ZNF181: variants seen among roughly 807,000 people sequenced by gnomAD.
ZNF181 encodes zinc finger protein 181, also known as zinc finger protein 181 (HHZ181).
ZNF181 carries 8 observed loss-of-function variants against 11.9 expected under a neutral mutation model. That is an observed-to-expected ratio of 0.67 (90% CI 0.39 to 1.21). ZNF181 has a LOEUF of 1.21. ZNF181 is among the 50% of genes most tolerant of loss of function. The pLI, the probability that ZNF181 is intolerant of heterozygous loss-of-function variation, is 0.01. For missense variants in ZNF181, 542 were observed against 670.9 expected (o/e 0.81, Z 2.12); for synonymous variants, 202 against 221.1 (o/e 0.91, Z 0.77).
In ZNF181 at chr19:34,741,571, G is replaced by T. The variant is rs1329614503; in HGVS notation, c.1190G>T (p.Arg397Ile). Reference protein sequence around the residue: ...CCSSHLTRHQRIHTMEKQYEC... With the variant: ...CCSSHLTRHQIIHTMEKQYEC... ...AGCTCACACCTTACTCGACATCAAA[G>T]AATTCACACTATGGAGAAACAATAT... The change falls in exon 4 of 4, where the codon AGA becomes ATA. Residue 397 changes from arginine to isoleucine, a missense_variant. Coordinates refer to ENST00000492450, the MANE Select transcript of ZNF181 (RefSeq NM_001029997.4). 3.7e-6 allele frequency: 6 copies of T among 1,613,876 alleles called. No homozygotes were observed. The African/African-American group carries it at 4.0e-5, about 11-fold the overall frequency.
intron 3 of ZNF181, among the ~76,000 whole-genome samples, 160 bp from the exon 4 acceptor site, chr19:34,740,451 G>A (rs1315578691): frequency 6.6e-6 from 1 of 151,826 alleles, no homozygotes; most frequent in Non-Finnish European, 1.5e-5. Flanking sequence ...TGCTCCATTT[G>A]AGCACTGTTC....
chr19:34,734,833 C>A lies in ZNF181; in HGVS notation c.-205C>A, dbSNP rs1281165233. 2 of 567,000 alleles carry A rather than the reference C, an allele frequency of 3.5e-6. No homozygotes were observed. Among genetic ancestry groups the A allele is most frequent in the African/African-American group, 1.9e-5 (1 of 53,108 alleles). The allele number at this position is 567,000 out of a possible 1,614,324, so 35.1% of individuals were successfully genotyped here. A position where few individuals can be genotyped will look rare whatever the true frequency, so the allele number is the denominator to read the frequency against. On this transcript the variant is annotated 5_prime_UTR_variant, in exon 1 of 4. Transcript: ENST00000492450. The stretch of plus-strand genomic sequence containing the variant: ...AATGGTTAGCCCTTGCGGAGAAACA[C>A]CCTGTTAGTTCCCAGGGAGAGATTG...
rs1384303640 is a variant in ZNF181 at position 34,739,582 on chromosome 19, T to A, written c.190T>A (p.Trp64Arg). The A allele has an allele frequency of 6.2e-7, 1 of 1,614,096 alleles. No individual in the cohort carries two copies. The highest frequency in any genetic ancestry group is 1.3e-5 in the African/African-American group (1 of 75,028). The change falls in exon 3 of 4, where the codon TGG becomes AGG. Residue 64 changes from tryptophan (W) to arginine (R), a missense_variant. By Grantham distance (101) the Trp-to-Arg change is moderately radical (BLOSUM62 -3). Coordinates refer to ENST00000492450, the MANE Select transcript of ZNF181 (RefSeq NM_001029997.4). ...GTTATTGGAGGATGGAAAAGAGCCC[T>A]GGATGATGGAGAAAAAACTGTCAAA... ...ITLLEDGKEP[W>R]MMEKKLSKGM... is the part of the protein sequence containing the mutation.
Position 34,743,735 on chromosome 19 carries a change from G to T in ZNF181, c.*1638G>T, listed in dbSNP as rs538432609. On this transcript the variant is annotated 3_prime_UTR_variant, in exon 4 of 4. Coordinates refer to ENST00000492450, the MANE Select transcript of ZNF181 (RefSeq NM_001029997.4). ...AGTTTACCTTGAAATCACTAGCCCAGAAGTGTTCTCATTACTTTTACAGCC... is the reference window on the plus strand; with the variant it reads ...AGTTTACCTTGAAATCACTAGCCCATAAGTGTTCTCATTACTTTTACAGCC... 2 of 152,330 alleles carry T rather than the reference G, an allele frequency of 1.3e-5. No homozygotes were observed. The highest frequency in any genetic ancestry group is 1.3e-4 in the Admixed American group (2 of 15,304). The allele number at this position is 152,330 out of a possible 1,614,324, so 9.4% of individuals were successfully genotyped here.
At position 34,741,350 on chromosome 19, in the gene ZNF181, T is replaced by A. The variant is rs771963279; in HGVS notation, c.969T>A (p.Cys323Ter). 1 of 1,613,902 alleles carries A rather than the reference T, an allele frequency of 6.2e-7. No homozygotes were observed. The highest frequency in any genetic ancestry group is 1.1e-5 in the South Asian group (1 of 91,070). The change falls in exon 4 of 4, where the codon TGT (cysteine) becomes TGA (stop). Residue 323 changes from cysteine to a stop codon, truncating the protein, a stop_gained. Coordinates refer to ENST00000492450, the MANE Select transcript of ZNF181 (RefSeq NM_001029997.4). LOFTEE classifies it low-confidence loss of function (END_TRUNC). ...ACACTGGAGAGAAACCATATGAATG[T>A]ATGAACTGTGGAAAGTCTTTTAGTC... Reference protein sequence around the residue: ...STHTGEKPYECMNCGKSFSRV... With the variant: ...STHTGEKPYE
intron 1 of ZNF181, among the ~76,000 whole-genome samples, chr19:34,737,928 A>G (rs1402992097): frequency 1.3e-5 from 2 of 152,144 alleles, no homozygotes; most frequent in African/African-American, 4.8e-5. Flanking sequence ...CCTGCCACTC[A>G]TCTCCTGCTC....
chr19:34,741,712 A>G lies in ZNF181; in HGVS notation c.1331A>G (p.Gln444Arg). The change falls in exon 4 of 4, where the codon CAG becomes CGG. Residue 444 changes from glutamine to arginine, a missense_variant. Coordinates refer to ENST00000492450, the MANE Select transcript of ZNF181 (RefSeq NM_001029997.4). ...ECQKCRKSFN[Q>R]LESLNMHLRN... Reference sequence around the variant, plus strand: ...CAGAAATGCAGGAAATCCTTCAACCAGCTTGAATCACTGAATATGCATTTG... The same window carrying G: ...CAGAAATGCAGGAAATCCTTCAACCGGCTTGAATCACTGAATATGCATTTG... 6.2e-7 allele frequency: 1 copy of G among 1,613,954 alleles called. No homozygotes were observed. The highest frequency in any genetic ancestry group is 2.2e-5 in the East Asian group (1 of 44,872).
chr19:34,740,991 A>C lies in ZNF181; in HGVS notation c.610A>C (p.Asn204His). ...KKSVIKNEKV[N>H]GGKKLLNSNK... ...GTCAGTTATAAAAAATGAGAAAGTCAATGGTGGAAAGAAACTTTTGAATTC... is the reference window on the plus strand; with the variant it reads ...GTCAGTTATAAAAAATGAGAAAGTCCATGGTGGAAAGAAACTTTTGAATTC... The change falls in exon 4 of 4, where the codon AAT (asparagine) becomes CAT (histidine). Residue 204 changes from asparagine (N) to histidine (H), a missense_variant. Transcript: ENST00000492450. 6.2e-7 allele frequency: 1 copy of C among 1,614,168 alleles called. No individual in the cohort carries two copies. The highest frequency in any genetic ancestry group is 8.5e-7 in the Non-Finnish European group (1 of 1,180,002).
chr19:34,744,272 A>G lies in ZNF181; in HGVS notation c.*2175A>G, dbSNP rs1030316085. On this transcript the variant is annotated 3_prime_UTR_variant, in exon 4 of 4. Coordinates refer to ENST00000492450, the MANE Select transcript of ZNF181 (RefSeq NM_001029997.4). Reference sequence around the variant, plus strand: ...TGGAATGGGGTGGTAAACTTTTACTATTTTGCAGGGATTTTATCTTTCATT... The same window carrying G: ...TGGAATGGGGTGGTAAACTTTTACTGTTTTGCAGGGATTTTATCTTTCATT... The G allele has an allele frequency of 2.6e-5, 4 of 152,090 alleles. No individual in the cohort carries two copies. The highest frequency in any genetic ancestry group is 9.7e-5 in the African/African-American group (4 of 41,422). The allele number at this position is 152,090 out of a possible 1,614,324, so 9.4% of individuals were successfully genotyped here.
chr19:34,740,567 TAAAA>T, intron 3 of ZNF181, 40 bp from the exon 4 acceptor site: 2 of 1,415,706 alleles, frequency 1.4e-6, no homozygotes, highest in Non-Finnish European at 1.9e-6. Context: ...TTCAAATAGT[TAAAA>T]AAAAACAAAA....
rs113928349 is a variant in ZNF181, at chr19:34,739,399, G to T, written c.131-124G>T. ...CCAAGGAAATGTGCAGCTCTGTTGT[G>T]CCCTGCCTGAAGCTTATCTTTCCAT... is the stretch of plus-strand genomic sequence containing the variant. On this transcript the variant is annotated intron_variant, in intron 2 of 3. Transcript: ENST00000492450. The T allele has an allele frequency of 6.3e-4, 989 of 1,566,634 alleles. 10 individuals carry two copies. The African/African-American group carries it at 0.012, about 19-fold the overall frequency.
chr19:34,741,807 C>T lies in ZNF181; in HGVS notation c.1426C>T (p.Leu476=). 6.2e-7 allele frequency: 1 copy of T among 1,613,994 alleles called. No individual in the cohort carries two copies. The highest frequency in any genetic ancestry group is 1.7e-5 in the Admixed American group (1 of 59,974). Residue 476 remains leucine, a synonymous_variant, in exon 4 of 4, where the codon CTG becomes TTG. Coordinates refer to ENST00000492450, the MANE Select transcript of ZNF181 (RefSeq NM_001029997.4). ...GAAAGCCTTTAGTCATAGGTCATCC[C>T]TGCTTCAACATCACAGAATTCATAC... ...CGKAFSHRSS[L]LQHHRIHTGE...
At position 34,735,697 on chromosome 19, in the gene ZNF181, A is replaced by G. The variant is rs193216204; in HGVS notation, c.9+651A>G. Among the ~76,000 whole-genome samples the G allele has an allele frequency of 5.9e-5, 9 of 152,268 alleles. No individual in the cohort carries two copies. In the East Asian group the frequency reaches 1.3e-3, roughly 23 times the overall value. ...AACTGAGTCACTTCTGCAATGACCT[A>G]TTTGTACAATTAGGCCATTACCTTT... On this transcript the variant is annotated intron_variant, in intron 1 of 3. Transcript: ENST00000492450.
At chr19:34,739,057 A>G (rs2068928325) in intron 1 of ZNF181, 91 bp from the exon 2 acceptor site, 3 of 1,574,314 alleles carry the variant, frequency 1.9e-6, no homozygotes, top group Admixed American at 3.9e-5. Flanking sequence ...ATCTTGTTCC[A>G]TTTCTCCCAC....
rs1372613154 is a variant in ZNF181 at position 34,742,914 on chromosome 19, A to G, written c.*817A>G. On this transcript the variant is annotated 3_prime_UTR_variant, in exon 4 of 4. Coordinates refer to ENST00000492450, the MANE Select transcript of ZNF181 (RefSeq NM_001029997.4). ...ATTTCCTGTAAAAAAAATTTCACTA[A>G]GATTAGCCTTAGCGTAGCCTTTAGT... is the stretch of plus-strand genomic sequence containing the variant. 9 of 152,240 alleles carry G rather than the reference A, an allele frequency of 5.9e-5. No homozygotes were observed. In the East Asian group the frequency reaches 1.5e-3, roughly 26 times the overall value. 9.4% of individuals were successfully genotyped at this position (152,240 alleles called of 1,614,324 possible).
Position 34,736,359 on chromosome 19 carries a change from G to A in ZNF181, c.9+1313G>A, listed in dbSNP as rs138130446. On this transcript the variant is annotated intron_variant, in intron 1 of 3. Coordinates refer to ENST00000492450, the MANE Select transcript of ZNF181 (RefSeq NM_001029997.4). ...AAATTTCTTGAACCCTGTGGTGTGCGGCTGCAGTGAGCTATGATTATGTCA... is the reference window on the plus strand; with the variant it reads ...AAATTTCTTGAACCCTGTGGTGTGCAGCTGCAGTGAGCTATGATTATGTCA... 2.1e-3 allele frequency among the ~76,000 whole-genome samples: 322 copies of A among 152,296 alleles called. 2 individuals are homozygous for A. The highest frequency in any genetic ancestry group is 6.4e-3 in the African/African-American group (264 of 41,554).
At chr19:34,735,598 G>A (rs556203999) in intron 1 of ZNF181, among the ~76,000 whole-genome samples, 1 of 152,278 alleles carries the variant, frequency 6.6e-6, no homozygotes, top group African/African-American at 2.4e-5. Context: ...TCTGTTCTCA[G>A]TACAGCTGTG....
chr19:34,735,174 T>A, intron 1 of ZNF181, 128 bp downstream of exon 1: 1 of 1,068,974 alleles, frequency 9.4e-7, no homozygotes, highest in Non-Finnish European at 1.4e-6. Context: ...CCTTTCAGTA[T>A]AGGAAGGACG....
Position 34,741,962 on chromosome 19 carries a change from CA to C in ZNF181, c.1584del (p.Gly529AlafsTer20), listed in dbSNP as rs1415295595. On this transcript the variant is annotated frameshift_variant, in exon 4 of 4. Transcript: ENST00000492450. LOFTEE classifies it low-confidence loss of function (END_TRUNC). ...GTAATGAGTGTGGGAAAGCTTTTAG[CA>C]AAGGCTCAAATCTTACTGCCCATCA... ...KCNECGKAFSKGSNLTAHQRV... is the reference protein window; with the variant it reads ...KCNECGKAFSXGSNLTAHQRV... 1 of 1,613,602 alleles carries C rather than the reference CA, an allele frequency of 6.2e-7. No individual in the cohort carries two copies. The highest frequency in any genetic ancestry group is 8.5e-7 in the Non-Finnish European group (1 of 1,179,870).
Sources: allele counts gnomAD v4.1 joint callset (sites outside exome capture counted in the v4.1 genomes callset), GRCh38; gene constraint gnomAD v4.1.1; transcripts MANE v1.5; gene names NCBI Gene and HGNC (gene_info 2026-07-23, HGNC 2026-07-21).